WNT7A: variants seen among roughly 807,000 people sequenced by gnomAD.
WNT7A encodes the protein Wnt family member 7A.
In WNT7A, 16 loss-of-function variants were observed where a neutral mutation model predicts 28.2. That is an observed-to-expected ratio of 0.57 (90% CI 0.38 to 0.86). The LOEUF (loss-of-function observed/expected upper bound fraction) is 0.86. Among genes scored for constraint, WNT7A ranks in the 40% least tolerant of loss-of-function variants. WNT7A has a pLI of 0.00. For synonymous variants in WNT7A, 190 were observed against 195.9 expected (o/e 0.97, Z 0.25); for missense variants, 411 against 489.7 (o/e 0.84, Z 1.52).
At chr3:13,876,654 C>T (rs1370646430) in intron 1 of WNT7A, among the ~76,000 whole-genome samples, 2 of 152,234 alleles carry the variant, frequency 1.3e-5, no homozygotes, top group East Asian at 1.9e-4. Flanking sequence ...GCCCTCCAAG[C>T]GCACAACTGA....
At chr3:13,856,905 G>GAAGAAGAAA (rs67412019) in intron 2 of WNT7A, among the ~76,000 whole-genome samples, 1 of 65,940 alleles carries the variant, frequency 1.5e-5, no homozygotes, top group Non-Finnish European at 2.9e-5. Context: ...AGAAGAAGAA[G>GAAGAAGAAA]AAGAAGAAGA....
intron 2 of WNT7A, among the ~76,000 whole-genome samples, chr3:13,864,269 C>G (rs932839897): frequency 6.6e-6 from 1 of 152,244 alleles, no homozygotes; most frequent in Admixed American, 6.5e-5. Context: ...AACTTCCCTC[C>G]CAAGCAAACC....
chr3:13,866,396 G>A (rs1425572435), intron 2 of WNT7A, among the ~76,000 whole-genome samples: 2 of 152,238 alleles, frequency 1.3e-5, no homozygotes, highest in Non-Finnish European at 2.9e-5. Context: ...CTCCCGTTTG[G>A]TCAAGGCCCA....
rs948037869 is a variant in WNT7A at position 13,879,842 on chromosome 3, G to A, written c.-26C>T. On this transcript the variant is annotated 5_prime_UTR_variant, in exon 1 of 4. Transcript: ENST00000285018. ...AGTCCCGATTGGCCGCCGGGGCCGC[G>A]GGCCGGGCTGTGCTGATCCCGCGGG... The A allele has an allele frequency of 1.1e-5, 18 of 1,604,292 alleles. No individual in the cohort carries two copies. Among genetic ancestry groups the A allele is most frequent in the Non-Finnish European group, 1.5e-5 (18 of 1,175,362 alleles).
At chr3:13,826,388 A>G (rs1694196736) in intron 3 of WNT7A, among the ~76,000 whole-genome samples, 1 of 152,202 alleles carries the variant, frequency 6.6e-6, no homozygotes, top group African/African-American at 2.4e-5. Context: ...GCCTCCCCCA[A>G]GAAGGCCAGG....
At chr3:13,878,486 G>T (rs1277046372) in intron 1 of WNT7A, among the ~76,000 whole-genome samples, 2 of 152,126 alleles carry the variant, frequency 1.3e-5, no homozygotes, top group African/African-American at 2.4e-5. Context: ...GCAGGCTGGC[G>T]GTACTGGCGC....
At chr3:13,865,329 G>A (rs1366748680) in intron 2 of WNT7A, among the ~76,000 whole-genome samples, 1 of 152,194 alleles carries the variant, frequency 6.6e-6, no homozygotes, top group Non-Finnish European at 1.5e-5. Flanking sequence ...GGGGCAGCTG[G>A]CAGTAGGCGG....
intron 2 of WNT7A, among the ~76,000 whole-genome samples, chr3:13,866,640 G>A (rs1368746137): frequency 6.6e-6 from 1 of 152,218 alleles, no homozygotes; most frequent in African/African-American, 2.4e-5. Flanking sequence ...GAGCCAAGCT[G>A]GCAAAGAGCA....
chr3:13,820,048 C>T (rs938710761), intron 3 of WNT7A, among the ~76,000 whole-genome samples: 1 of 152,192 alleles, frequency 6.6e-6, no homozygotes, highest in African/African-American at 2.4e-5. Context: ...TTTCTTCCTT[C>T]CTTCCTCCCT....
At chr3:13,876,793 A>G (rs560364229) in intron 1 of WNT7A, among the ~76,000 whole-genome samples, 310 of 152,194 alleles carry the variant, frequency 2.0e-3, no homozygotes, top group Middle Eastern at 3.4e-3. Flanking sequence ...GCTTCTTGCC[A>G]TTATTCACAT....
chr3:13,842,636 T>G (rs766717340), intron 3 of WNT7A, among the ~76,000 whole-genome samples: 1 of 152,142 alleles, frequency 6.6e-6, no homozygotes, highest in Non-Finnish European at 1.5e-5. Context: ...GAAAGAAAAG[T>G]GTCATGGCCA....
chr3:13,876,775 C>T (rs891899216), intron 1 of WNT7A, among the ~76,000 whole-genome samples: 1 of 152,144 alleles, frequency 6.6e-6, no homozygotes, highest in Non-Finnish European at 1.5e-5. Context: ...CTGATCTTCA[C>T]AAGCTTGGCT....
At position 13,818,127 on chromosome 3, in the gene WNT7A, T is replaced by C. The variant is rs1378012589; in HGVS notation, c.*817A>G. ...ACTCGATATAAATAAAATATTCATA[T>C]AAAAATAGTCTCTTACAAAATATTC... On this transcript the variant is annotated 3_prime_UTR_variant, in exon 4 of 4. Transcript: ENST00000285018. The C allele has an allele frequency of 1.3e-5, 2 of 152,124 alleles. No individual in the cohort carries two copies. The highest frequency in any genetic ancestry group is 1.9e-4 in the East Asian group (1 of 5,196). 9.4% of individuals were successfully genotyped at this position (152,124 alleles called of 1,614,324 possible).
At chr3:13,856,893 A>AAGAAGAAG (rs1694742752) in intron 2 of WNT7A, among the ~76,000 whole-genome samples, 2 of 73,290 alleles carry the variant, frequency 2.7e-5, no homozygotes, top group Admixed American at 1.4e-4. Flanking sequence ...AGAAGAAGAA[A>AAGAAGAAG]AAGAAGAAGA....
At position 13,854,014 on chromosome 3, in the gene WNT7A, T is replaced by C. The variant is rs138528466; in HGVS notation, c.570+518A>G. Among the ~76,000 whole-genome samples, 959 of 152,176 alleles carry C rather than the reference T, an allele frequency of 6.3e-3. 9 individuals are homozygous for C. Among genetic ancestry groups the C allele is most frequent in the African/African-American group, 0.022 (921 of 41,522 alleles). On this transcript the variant is annotated intron_variant, in intron 3 of 3. Coordinates refer to ENST00000285018, the MANE Select transcript of WNT7A (RefSeq NM_004625.4). ...GGGCAGGAGCTCCCAGCCATGAGAC[T>C]AGACAGGCAGGGCCTGGTAATTTCC... is the stretch of plus-strand genomic sequence containing the variant.
chr3:13,868,481 A>C (rs1303731406), intron 2 of WNT7A, among the ~76,000 whole-genome samples: 1 of 129,920 alleles, frequency 7.7e-6, no homozygotes, highest in Non-Finnish European at 1.6e-5. Flanking sequence ...TCAGAAAAGG[A>C]AAGAACGAAA....
intron 3 of WNT7A, among the ~76,000 whole-genome samples, chr3:13,843,684 G>T (rs915873826): frequency 2.8e-5 from 4 of 140,600 alleles, no homozygotes; most frequent in African/African-American, 1.0e-4. Context: ...GCCAGGAAAA[G>T]ATGTTGAAAA....
intron 2 of WNT7A, among the ~76,000 whole-genome samples, chr3:13,859,797 C>T (rs1290727547): frequency 6.6e-6 from 1 of 152,228 alleles, no homozygotes; most frequent in Non-Finnish European, 1.5e-5. Context: ...CATGGTCTTT[C>T]TTGGGTGCTT....
rs542786768 is a variant in WNT7A, at chr3:13,851,156, G to A, written c.570+3376C>T. Among the ~76,000 whole-genome samples, 14 of 152,260 alleles carry A rather than the reference G, an allele frequency of 9.2e-5. No individual in the cohort carries two copies. In the East Asian group the frequency reaches 1.4e-3, roughly 15 times the overall value. Reference sequence around the variant, plus strand: ...CTCCTGCTGGGTTTAGGCACCAACCGTGGCCACAGCCCCTTCACTCTGTAC... The same window carrying A: ...CTCCTGCTGGGTTTAGGCACCAACCATGGCCACAGCCCCTTCACTCTGTAC... On this transcript the variant is annotated intron_variant, in intron 3 of 3. Transcript: ENST00000285018.
Sources: allele counts gnomAD v4.1 joint callset (sites outside exome capture counted in the v4.1 genomes callset), GRCh38; gene constraint gnomAD v4.1.1; transcripts MANE v1.5; gene names NCBI Gene and HGNC (gene_info 2026-07-23, HGNC 2026-07-21).